Variants in ASCC3 observed in about 807,000 individuals in gnomAD.
ASCC3 encodes ASC-1 complex subunit P200.
ASCC3 carries 158 observed loss-of-function variants against 256.3 expected under a neutral mutation model. The ratio of observed to expected loss-of-function variants is 0.62; its 90% CI spans 0.54 to 0.70. The LOEUF (loss-of-function observed/expected upper bound fraction) is 0.70. Ranked by LOEUF, ASCC3 falls within the 30% of genes least tolerant of loss-of-function variation. ASCC3 has a pLI of 0.00. For missense variants in ASCC3, 2,259 were observed against 2,626.0 expected, an observed-to-expected ratio of 0.86 and a Z score of 3.05; for synonymous variants, 948 against 883.4, an observed-to-expected ratio of 1.07 and a Z score of -1.30.
chr6:100,523,624 C>G (rs1276645866), intron 37 of ASCC3, among the ~76,000 whole-genome samples: 1 of 152,130 alleles, frequency 6.6e-6, no homozygotes, highest in Non-Finnish European at 1.5e-5. Context: ...CTTGGATACA[C>G]CACATGTCCT....
chr6:100,609,666 G>T (rs1773292468), intron 30 of ASCC3, among the ~76,000 whole-genome samples: 2 of 152,136 alleles, frequency 1.3e-5, no homozygotes, highest in Admixed American at 1.3e-4. Context: ...CACTTTGGGA[G>T]GCCAAGGTGG....
chr6:100,557,770 A>G (rs1582444329), intron 36 of ASCC3, among the ~76,000 whole-genome samples: 1 of 152,148 alleles, frequency 6.6e-6, no homozygotes, highest in African/African-American at 2.4e-5. Context: ...TAGAAAGAAT[A>G]AGACCTGCTA....
chr6:100,734,744 C>T (rs903922930), intron 10 of ASCC3, among the ~76,000 whole-genome samples: 1 of 152,108 alleles, frequency 6.6e-6, no homozygotes, highest in Non-Finnish European at 1.5e-5. Flanking sequence ...CCACTAGGTG[C>T]CACATCAGGG....
chr6:100,516,438 C>A, intron 38 of ASCC3, 111 bp from the exon 39 acceptor site: 1 of 1,304,672 alleles, frequency 7.7e-7, no homozygotes, highest in Non-Finnish European at 1.1e-6. Flanking sequence ...TAAGAAATAA[C>A]ATTTTAAGAC....
intron 25 of ASCC3, among the ~76,000 whole-genome samples, chr6:100,637,705 C>A (rs931845434): frequency 6.6e-6 from 1 of 151,954 alleles, no homozygotes; most frequent in African/African-American, 2.4e-5. Context: ...AAGTTGATTC[C>A]ACCCTTCACG....
At chr6:100,841,729 T>C (rs1174940834) in intron 4 of ASCC3, among the ~76,000 whole-genome samples, 1 of 152,110 alleles carries the variant, frequency 6.6e-6, no homozygotes, top group Non-Finnish European at 1.5e-5. Flanking sequence ...ACCCATCATA[T>C]GTCTAAAAGA....
At chr6:100,515,834 A>G (rs1353904031) in intron 39 of ASCC3, among the ~76,000 whole-genome samples, 1 of 152,168 alleles carries the variant, frequency 6.6e-6, no homozygotes, top group East Asian at 1.9e-4. Context: ...AAGCTACATG[A>G]GGCTTTTCGC....
Position 100,642,669 on chromosome 6 carries a change from T to A in ASCC3, c.3813A>T (p.Ala1271=), listed in dbSNP as rs7755630. The A allele has an allele frequency of 2.7e-3, 4,433 of 1,613,932 alleles. 100 individuals carry two copies. In the African/African-American group the frequency reaches 0.052, roughly 19 times the overall value. ...EPLPSQYYIR[A]VSDRWLGAEA... is the part of the protein sequence containing the mutation. ...CAGCACCCAACCATCTATCAGACAC[T>A]GCTCGGATGTAGTATTGGGAAGGCA... is the stretch of plus-strand genomic sequence containing the variant. The change falls in exon 24 of 42, where the codon GCA becomes GCT. Residue 1271 remains alanine, a synonymous_variant. Transcript: ENST00000369162.
chr6:100,578,747 C>G (rs530582734), intron 36 of ASCC3, among the ~76,000 whole-genome samples: 1 of 151,930 alleles, frequency 6.6e-6, no homozygotes, highest in African/African-American at 2.4e-5. Flanking sequence ...TGTGTCTTTA[C>G]GGCAGAACAA....
chr6:100,777,734 T>C (rs1045944078), intron 8 of ASCC3, among the ~76,000 whole-genome samples: 22 of 152,010 alleles, frequency 1.4e-4, no homozygotes, highest in Admixed American at 8.5e-4. Context: ...AGTTGAAATG[T>C]TGAAGGAACT....
intron 35 of ASCC3, 28 bp from the exon 36 acceptor site, chr6:100,589,796 G>A (rs968833425): frequency 3.1e-6 from 5 of 1,612,998 alleles, no homozygotes; most frequent in Non-Finnish European, 4.2e-6. Flanking sequence ...CAAATGAAGA[G>A]TACGATGAAA....
At chr6:100,876,850 G>C (rs1340169670) in intron 1 of ASCC3, among the ~76,000 whole-genome samples, 1 of 152,130 alleles carries the variant, frequency 6.6e-6, no homozygotes, top group African/African-American at 2.4e-5. Flanking sequence ...TCTTTAAATT[G>C]TTAATTAAAC....
At chr6:100,651,452 C>T in intron 19 of ASCC3, 108 bp downstream of exon 19, 1 of 445,464 alleles carries the variant, frequency 2.2e-6, no homozygotes. Flanking sequence ...TGCTGATATT[C>T]CAAATGTGAT....
intron 10 of ASCC3, among the ~76,000 whole-genome samples, chr6:100,756,814 G>A (rs958372918): frequency 6.6e-6 from 1 of 151,816 alleles, no homozygotes; most frequent in African/African-American, 2.4e-5. Flanking sequence ...AAAACCAAGT[G>A]TTCTTATACT....
intron 37 of ASCC3, among the ~76,000 whole-genome samples, chr6:100,521,907 G>C (rs1318674603): frequency 2.6e-5 from 4 of 152,150 alleles, no homozygotes; most frequent in Non-Finnish European, 2.9e-5. Flanking sequence ...TGGCAGATAA[G>C]GACTAATAGG....
intron 26 of ASCC3, 98 bp from the exon 27 acceptor site, chr6:100,629,279 G>T: frequency 2.7e-6 from 3 of 1,120,364 alleles, no homozygotes; most frequent in South Asian, 1.5e-5. Flanking sequence ...ATTTTATAAG[G>T]CTTAAAATTA....
chr6:100,727,172 G>A (rs1430268734), intron 10 of ASCC3, among the ~76,000 whole-genome samples: 2 of 151,942 alleles, frequency 1.3e-5, no homozygotes, highest in Admixed American at 1.3e-4. Context: ...TAGGTAAAGT[G>A]TATTCCTCCT....
intron 37 of ASCC3, chr6:100,530,303 G>C (rs940883729): frequency 6.3e-6 from 9 of 1,432,230 alleles, no homozygotes; most frequent in Non-Finnish European, 8.9e-6. Context: ...ATCGCAGAAG[G>C]ATAAAGTTTG....
At chr6:100,817,968 A>G (rs1321357892) in intron 4 of ASCC3, among the ~76,000 whole-genome samples, 3 of 152,204 alleles carry the variant, frequency 2.0e-5, no homozygotes, top group Non-Finnish European at 4.4e-5. Flanking sequence ...CTATAGAGCA[A>G]TATCTCTTAG....
Sources: gnomAD v4.1 joint callset for allele counts (sites outside exome capture counted in the v4.1 genomes callset) on GRCh38, gnomAD v4.1.1 for gene constraint, MANE v1.5 for transcripts, NCBI Gene and HGNC (gene_info 2026-07-23, HGNC 2026-07-21) for gene names.